The following PSMC2 variants were observed in gnomAD, a reference collection of about 807,000 sequenced individuals.
The protein encoded by PSMC2 is 26S proteasome regulatory subunit 7.
Under a neutral mutation model 53.3 loss-of-function variants are expected in PSMC2, and 7 were observed. The observed-to-expected ratio is 0.13, with a 90% confidence interval of 0.07 to 0.25. The LOEUF is 0.25. Ranked by LOEUF, PSMC2 falls within the 10% of genes least tolerant of loss-of-function variation. The pLI is 1.00. For synonymous variants in PSMC2, 169 were observed against 183.9 expected (o/e 0.92, Z 0.66); for missense variants, 241 against 544.0 (o/e 0.44, Z 5.54).
At chr7:103,348,556 A>G in intron 1 of PSMC2, 1 of 779,480 alleles carries the variant, frequency 1.3e-6, no homozygotes, top group Admixed American at 1.8e-5. Flanking sequence ...TGTTGCTGTT[A>G]TAAAACAATG....
chr7:103,366,308 A>C (rs1479436209), intron 9 of PSMC2, 145 bp downstream of exon 9: 1 of 678,160 alleles, frequency 1.5e-6, no homozygotes, highest in African/African-American at 1.8e-5. Flanking sequence ...AGATCTAATA[A>C]GTAGTAGTGC....
chr7:103,362,023 C>T lies in PSMC2; in HGVS notation c.357C>T (p.Ala119=). The T allele has an allele frequency of 6.2e-7, 1 of 1,613,756 alleles. No individual in the cohort carries two copies. Among genetic ancestry groups the T allele is most frequent in the Non-Finnish European group, 8.5e-7 (1 of 1,179,860 alleles). ...PKYIINVKQF[A]KFVVDLSDQV... ...ACATTATCAACGTAAAGCAGTTTGC[C>T]AAGTTTGTGGTGGACCTTAGTGATC... Residue 119 remains alanine (A), a synonymous_variant, in exon 5 of 12, where the codon GCC becomes GCT. Transcript: ENST00000292644.
intron 1 of PSMC2, among the ~76,000 whole-genome samples, chr7:103,352,431 A>G (rs945462140): frequency 1.5e-5 from 2 of 135,784 alleles, no homozygotes; most frequent in African/African-American, 5.6e-5. Context: ...TTTTTTTGAG[A>G]CAGGGTCTCA....
rs554623948 is a variant in PSMC2 at position 103,352,799 on chromosome 7, G to A, written c.71-1122G>A. On this transcript the variant is annotated intron_variant, in intron 1 of 11. Coordinates refer to ENST00000292644, the MANE Select transcript of PSMC2 (RefSeq NM_002803.4). ...CAGAAGTGTTAAGTGACTTGGCTGAGGTCACCCCACTAACAGATTCCAGAG... is the reference window on the plus strand; with the variant it reads ...CAGAAGTGTTAAGTGACTTGGCTGAAGTCACCCCACTAACAGATTCCAGAG... The A allele has an allele frequency of 1.8e-5, 14 of 779,320 alleles. No homozygotes were observed. In the Admixed American group the frequency reaches 2.0e-4, roughly 11 times the overall value. 48.3% of individuals were successfully genotyped at this position (779,320 alleles called of 1,614,324 possible). A position where few individuals can be genotyped will look rare whatever the true frequency, so the allele number is the denominator to read the frequency against.
chr7:103,347,715 C>G lies in PSMC2; in HGVS notation c.4C>G (p.Pro2Ala). The change falls in exon 1 of 12, where the codon CCG (proline) becomes GCG (alanine). Residue 2 changes from proline (P) to alanine (A), a missense_variant. By Grantham distance (27) the Pro-to-Ala change is conservative (BLOSUM62 -1). Transcript: ENST00000292644. Reference protein sequence around the residue: MPDYLGADQRKT... With the variant: MADYLGADQRKT... ...GGAGGCTTTTGGAGCTGCTAAAATG[C>G]CGGATTACCTCGGTGCCGATCAGCG... The G allele has an allele frequency of 1.2e-6, 2 of 1,613,870 alleles. No individual in the cohort carries two copies. Among genetic ancestry groups the G allele is most frequent in the East Asian group, 4.5e-5 (2 of 44,868 alleles).
chr7:103,363,039 C>A (rs1563493733), intron 6 of PSMC2, among the ~76,000 whole-genome samples: 1 of 152,144 alleles, frequency 6.6e-6, no homozygotes, highest in Non-Finnish European at 1.5e-5. Context: ...AGTGTTTGGC[C>A]TGCCTCAGCC....
In PSMC2 at chr7:103,355,790, C is replaced by A; in HGVS notation, c.287C>A (p.Ala96Asp). Reference sequence around the variant, plus strand: ...CAGAGTGAACAGCCTTTACAGGTTGCCAGGTATGCACGGGTGCTCTGTGGC... The same window carrying A: ...CAGAGTGAACAGCCTTTACAGGTTGACAGGTATGCACGGGTGCTCTGTGGC... ...TLQSEQPLQV[A>D]RCTKIINADS... The change falls in exon 4 of 12, where the codon GCC (alanine) becomes GAC (aspartate). Residue 96 changes from alanine to aspartate, a missense_variant. Ala to Asp is a moderately radical substitution (Grantham distance 126). Transcript: ENST00000292644. 1 of 1,611,078 alleles carries A rather than the reference C, an allele frequency of 6.2e-7. No homozygotes were observed. The highest frequency in any genetic ancestry group is 8.5e-7 in the Non-Finnish European group (1 of 1,177,682).
rs900116624 is a variant in PSMC2, at chr7:103,350,666, A to T, written c.70+2885A>T. 1.4e-3 allele frequency among the ~76,000 whole-genome samples: 195 copies of T among 144,350 alleles called. 3 individuals are homozygous for T. Among genetic ancestry groups the T allele is most frequent in the Admixed American group, 7.3e-3 (105 of 14,434 alleles). 94.7% of individuals were successfully genotyped at this position (144,350 alleles called of 152,430 possible). A position where few individuals can be genotyped will look rare whatever the true frequency, so the allele number is the denominator to read the frequency against. ...ACCATGCCATGCTCATTTAAAACTT[A>T]TTTTTTTTTTTTGTAGAGACAGGGT... On this transcript the variant is annotated intron_variant, in intron 1 of 11. Coordinates refer to ENST00000292644, the MANE Select transcript of PSMC2 (RefSeq NM_002803.4).
intron 2 of PSMC2, 82 bp downstream of exon 2, chr7:103,354,040 T>A: frequency 8.9e-7 from 1 of 1,125,984 alleles, no homozygotes; most frequent in Non-Finnish European, 1.3e-6. Context: ...CCAAAATAAT[T>A]AGAAGAAGTT....
chr7:103,362,792 G>GTATT, intron 6 of PSMC2, 34 bp downstream of exon 6: 1 of 867,924 alleles, frequency 1.2e-6, no homozygotes, highest in Non-Finnish European at 1.8e-6. Context: ...GGAAGGCTAT[G>GTATT]TCTTTTTTTT....
chr7:103,363,884 T>C (rs1820551070), intron 7 of PSMC2, among the ~76,000 whole-genome samples: 1 of 152,186 alleles, frequency 6.6e-6, no homozygotes, highest in African/African-American at 2.4e-5. Flanking sequence ...ATTTTAAGAC[T>C]GGATAATGGA....
Position 103,361,128 on chromosome 7 carries a change from GAAAA to G in PSMC2, c.291-823_291-820del, listed in dbSNP as rs367989398. Reference sequence around the variant, plus strand: ...GACTCTGTCTCAAAAAAAAGAAAAAGAAAAAAAAACAAGCTTCTACTGCCTCAGT... The same window carrying G: ...GACTCTGTCTCAAAAAAAAGAAAAAGAAAAACAAGCTTCTACTGCCTCAGT... On this transcript the variant is annotated intron_variant, in intron 4 of 11. Coordinates refer to ENST00000292644, the MANE Select transcript of PSMC2 (RefSeq NM_002803.4). Among the ~76,000 whole-genome samples, 387 of 144,644 alleles carry G rather than the reference GAAAA, an allele frequency of 2.7e-3. 1 individual carries two copies. Among genetic ancestry groups the G allele is most frequent in the Middle Eastern group, 0.014 (4 of 286 alleles). The allele number at this position is 144,644 out of a possible 152,430, so 94.9% of individuals were successfully genotyped here. A position where few individuals can be genotyped will look rare whatever the true frequency, so the allele number is the denominator to read the frequency against.
chr7:103,362,554 C>A, intron 5 of PSMC2, 132 bp from the exon 6 acceptor site: 1 of 1,412,446 alleles, frequency 7.1e-7, no homozygotes, highest in Non-Finnish European at 9.5e-7. Flanking sequence ...CTCTTTATTT[C>A]TCTTTATATA....
Position 103,347,645 on chromosome 7 carries a change from G to A in PSMC2, c.-67G>A, listed in dbSNP as rs1234256995. The A allele has an allele frequency of 6.4e-7, 1 of 1,570,702 alleles. No individual in the cohort carries two copies. The highest frequency in any genetic ancestry group is 1.4e-5 in the African/African-American group (1 of 74,000). ...CTTCCGGTGGGGAAGGGAAAGGGAAGACACCACCGGAAGCAAGGAAGGTGC... is the reference window on the plus strand; with the variant it reads ...CTTCCGGTGGGGAAGGGAAAGGGAAAACACCACCGGAAGCAAGGAAGGTGC... On this transcript the variant is annotated 5_prime_UTR_variant, in exon 1 of 12. Coordinates refer to ENST00000292644, the MANE Select transcript of PSMC2 (RefSeq NM_002803.4).
intron 8 of PSMC2, 127 bp from the exon 9 acceptor site, chr7:103,365,949 A>C: frequency 1.4e-6 from 1 of 735,768 alleles, no homozygotes; most frequent in Non-Finnish European, 2.2e-6. Flanking sequence ...AAAATAAAAA[A>C]CGTTTAGGTA....
intron 8 of PSMC2, among the ~76,000 whole-genome samples, chr7:103,364,978 TA>T (rs1820626051): frequency 6.9e-6 from 1 of 145,658 alleles, no homozygotes; most frequent in Non-Finnish European, 1.5e-5. Context: ...TATATATATA[TA>T]TATATTTAGA....
intron 4 of PSMC2, among the ~76,000 whole-genome samples, chr7:103,361,233 C>T (rs1202507619): frequency 6.6e-6 from 1 of 151,854 alleles, no homozygotes; most frequent in East Asian, 1.9e-4. Context: ...CCTGTAATCC[C>T]AGCACTTTGG....
chr7:103,357,240 C>T (rs552423280), intron 4 of PSMC2, among the ~76,000 whole-genome samples: 33 of 151,236 alleles, frequency 2.2e-4, no homozygotes, highest in East Asian at 7.8e-4. Context: ...GCAGGAGAAT[C>T]GCTTGAACCT....
chr7:103,351,594 C>T (rs1819739839), intron 1 of PSMC2, among the ~76,000 whole-genome samples: 1 of 152,162 alleles, frequency 6.6e-6, no homozygotes, highest in South Asian at 2.1e-4. Context: ...GCACAGTGAA[C>T]CACCTTTTTC....
Sources: allele counts gnomAD v4.1 joint callset (sites outside exome capture counted in the v4.1 genomes callset), GRCh38; gene constraint gnomAD v4.1.1; transcripts MANE v1.5; gene names NCBI Gene and HGNC (gene_info 2026-07-23, HGNC 2026-07-21).